The following ATP11C variants were observed in gnomAD, a reference collection of about 807,000 sequenced individuals.
ATP11C encodes the protein ATPase phospholipid transporting 11C (ATP11C blood group).
ATP11C carries 36 observed loss-of-function variants against 97.4 expected under a neutral mutation model. That is an observed-to-expected ratio of 0.37 (90% CI 0.28 to 0.49). The LOEUF (loss-of-function observed/expected upper bound fraction) is 0.49. Ranked by LOEUF, ATP11C falls within the 20% of genes least tolerant of loss-of-function variation. ATP11C has a pLI of 0.98. For synonymous variants in ATP11C, 275 were observed against 290.9 expected, an observed-to-expected ratio of 0.95 and a Z score of 0.56; for missense variants, 730 against 824.6, an observed-to-expected ratio of 0.89 and a Z score of 1.40.
At position 139,826,684 on chromosome X, in the gene ATP11C, G is replaced by C; in HGVS notation, c.147+20C>G. 2 of 1,179,864 alleles carry C rather than the reference G, an allele frequency of 1.7e-6. No individual in the cohort carries two copies. Among genetic ancestry groups the C allele is most frequent in the Non-Finnish European group, 2.3e-6 (2 of 872,017 alleles). On this transcript the variant is annotated intron_variant, in intron 2 of 29. Transcript: ENST00000682941. Reference sequence around the variant, plus strand: ...CTGATTCACTATATGAACATCTATTGAGTTAAAACAAAAACTTACCTTAGA... The same window carrying C: ...CTGATTCACTATATGAACATCTATTCAGTTAAAACAAAAACTTACCTTAGA...
chrX:139,923,022 A>G lies in ATP11C; in HGVS notation c.27+8994T>C, dbSNP rs912791024. Among the ~76,000 whole-genome samples the G allele has an allele frequency of 5.4e-5, 6 of 111,526 alleles. No individual in the cohort carries two copies. The East Asian group carries it at 1.7e-3, about 32-fold the overall frequency. ...CCTGGTTTTGAACTCCTGACCTCAA[A>G]TGATCCACCTGCCTCAGCCTCCCAA... On this transcript the variant is annotated intron_variant, in intron 1 of 29. Coordinates refer to ENST00000682941, the MANE Select transcript of ATP11C (RefSeq NM_001353812.2).
chrX:139,798,408 C>A (rs2082847463), intron 9 of ATP11C, 54 bp from the exon 10 acceptor site: 2 of 951,018 alleles, frequency 2.1e-6, no homozygotes, highest in Non-Finnish European at 3.0e-6. Flanking sequence ...CAACTCCTCA[C>A]CCAGCTGGCT....
At chrX:139,920,366 AG>A (rs1176847708) in intron 1 of ATP11C, among the ~76,000 whole-genome samples, 1 of 34,293 alleles carries the variant, frequency 2.9e-5, no homozygotes, top group Non-Finnish European at 1.8e-4. Context: ...AAAAAAAAAA[AG>A]AATTAAGTAC....
chrX:139,803,471 G>A (rs1218072891), intron 6 of ATP11C, among the ~76,000 whole-genome samples: 1 of 110,426 alleles, frequency 9.1e-6, no homozygotes, highest in Non-Finnish European at 1.9e-5. Flanking sequence ...AGGCAGCATA[G>A]AGAGGATACA....
At chrX:139,903,049 G>C (rs2084921574) in intron 1 of ATP11C, among the ~76,000 whole-genome samples, 1 of 111,875 alleles carries the variant, frequency 8.9e-6, no homozygotes, top group Non-Finnish European at 1.9e-5. Flanking sequence ...TCCTGCTTTT[G>C]GAAGCTGACA....
At chrX:139,850,899 G>A (rs542832484) in intron 1 of ATP11C, among the ~76,000 whole-genome samples, 1 of 111,146 alleles carries the variant, frequency 9.0e-6, no homozygotes, top group South Asian at 3.9e-4. Context: ...GACAGAACAA[G>A]GCTCTGTCTC....
At chrX:139,779,941 C>A (rs1239307006) in intron 18 of ATP11C, among the ~76,000 whole-genome samples, 1 of 111,605 alleles carries the variant, frequency 9.0e-6, no homozygotes, top group African/African-American at 3.3e-5. Context: ...TCTACGAGCA[C>A]AAACTGGAAA....
At chrX:139,803,921 G>C (rs193029208) in intron 6 of ATP11C, among the ~76,000 whole-genome samples, 1 of 107,879 alleles carries the variant, frequency 9.3e-6, no homozygotes, top group Non-Finnish European at 1.9e-5. Flanking sequence ...GGCTGGTTTC[G>C]AACTGCTGAA....
intron 17 of ATP11C, 104 bp downstream of exon 17, chrX:139,783,060 G>A: frequency 1.7e-6 from 1 of 578,498 alleles, no homozygotes; most frequent in Non-Finnish European, 2.7e-6. Context: ...ACAAAAATAA[G>A]CTAAAATGTA....
At chrX:139,790,950 T>C (rs1239721049) in intron 12 of ATP11C, among the ~76,000 whole-genome samples, 4 of 111,606 alleles carry the variant, frequency 3.6e-5, no homozygotes, top group Non-Finnish European at 7.5e-5. Context: ...TTTTAACATC[T>C]GGCTTTTGGA....
At chrX:139,844,874 A>T (rs1186407821) in intron 1 of ATP11C, among the ~76,000 whole-genome samples, 1 of 112,061 alleles carries the variant, frequency 8.9e-6, no homozygotes. Context: ...GGAGTTGAAT[A>T]AAAAGGTTCC....
intron 1 of ATP11C, among the ~76,000 whole-genome samples, chrX:139,912,622 G>A (rs895597588): frequency 1.8e-5 from 2 of 111,156 alleles, no homozygotes; most frequent in African/African-American, 6.5e-5. Context: ...CACAATGTGA[G>A]GTACATATTA....
chrX:139,771,293 G>A (rs1224702579), intron 19 of ATP11C, among the ~76,000 whole-genome samples: 1 of 111,376 alleles, frequency 9.0e-6, no homozygotes, highest in East Asian at 2.8e-4. Flanking sequence ...TTTGCCTCTC[G>A]CCTTGATTCT....
In ATP11C at chrX:139,727,154, C is replaced by T. The variant is rs41312781; in HGVS notation, c.*1812G>A. ...GTACTGCATTAAACAAGCCTCTCTACTGTGGCTCTCTTGTCTGTATTCACA... is the reference window on the plus strand; with the variant it reads ...GTACTGCATTAAACAAGCCTCTCTATTGTGGCTCTCTTGTCTGTATTCACA... On this transcript the variant is annotated 3_prime_UTR_variant, in exon 30 of 30. Transcript: ENST00000682941. 1,538 of 112,313 alleles carry T rather than the reference C, an allele frequency of 0.014. 14 individuals carry two copies. The highest frequency in any genetic ancestry group is 0.021 in the Non-Finnish European group (1,136 of 53,125). The allele number at this position is 112,313 out of a possible 1,213,427, so 9.3% of individuals were successfully genotyped here.
chrX:139,797,109 C>G (rs1338151489), intron 11 of ATP11C, 67 bp downstream of exon 11: 3 of 1,046,582 alleles, frequency 2.9e-6, no homozygotes, highest in Non-Finnish European at 2.6e-6. Flanking sequence ...TTTCCCTGAG[C>G]AGCATTTCAG....
intron 1 of ATP11C, among the ~76,000 whole-genome samples, chrX:139,868,813 G>A (rs745432738): frequency 7.2e-5 from 8 of 110,722 alleles, no homozygotes; most frequent in Non-Finnish European, 1.3e-4. Flanking sequence ...CAAAGGAACT[G>A]AATAGACACT....
At chrX:139,815,796 C>G (rs2083276816) in intron 4 of ATP11C, among the ~76,000 whole-genome samples, 1 of 110,731 alleles carries the variant, frequency 9.0e-6, no homozygotes, top group African/African-American at 3.3e-5. Flanking sequence ...CCTCCCCCCA[C>G]TTTTTCCCCT....
chrX:139,799,644 C>CTTTTTTTTTTTT (rs754371113), intron 8 of ATP11C, among the ~76,000 whole-genome samples: 2 of 60,368 alleles, frequency 3.3e-5, no homozygotes, highest in Admixed American at 2.6e-4. Flanking sequence ...CTTTATATTC[C>CTTTTTTTTTTTT]TTTTTTTTTT....
At chrX:139,743,525 T>C (rs1418378328) in intron 26 of ATP11C, 34 bp downstream of exon 26, 2 of 924,013 alleles carry the variant, frequency 2.2e-6, no homozygotes, top group Admixed American at 5.5e-5. Flanking sequence ...ATAAAAACAG[T>C]ATTAAAAAAT....
Sources: gnomAD v4.1 joint callset for allele counts (sites outside exome capture counted in the v4.1 genomes callset) on GRCh38, gnomAD v4.1.1 for gene constraint, MANE v1.5 for transcripts, NCBI Gene and HGNC (gene_info 2026-07-23, HGNC 2026-07-21) for gene names.